PROS1: variants seen among roughly 807,000 people sequenced by gnomAD.
PROS1 encodes the protein vitamin K-dependent protein S.
Under a neutral mutation model 75.9 loss-of-function variants are expected in PROS1, and 29 were observed. The ratio of observed to expected loss-of-function variants is 0.38; its 90% CI spans 0.28 to 0.52. The LOEUF (loss-of-function observed/expected upper bound fraction) is 0.52, where lower values mean the gene tolerates loss of function less well. PROS1 is among the 20% of genes least tolerant of loss of function. The probability of loss-of-function intolerance (pLI) is 0.83; values close to 1 mark genes in which losing one functional copy is unlikely to be tolerated. For synonymous variants in PROS1, 245 were observed against 280.6 expected, an observed-to-expected ratio of 0.87 and a Z score of 1.27; for missense variants, 680 against 810.3, an observed-to-expected ratio of 0.84 and a Z score of 1.95.
At chr3:93,947,369 T>G (rs1709421415) in intron 1 of PROS1, among the ~76,000 whole-genome samples, 1 of 152,002 alleles carries the variant, frequency 6.6e-6, no homozygotes, top group African/African-American at 2.4e-5. Context: ...TCTCTCCCTC[T>G]TCTGTTTGCA....
intron 1 of PROS1, among the ~76,000 whole-genome samples, chr3:93,961,046 C>T (rs567900457): frequency 6.6e-6 from 1 of 151,624 alleles, no homozygotes; most frequent in East Asian, 1.9e-4. Context: ...CCCTGCAAAG[C>T]TTTATGATAG....
intron 10 of PROS1, among the ~76,000 whole-genome samples, chr3:93,888,269 C>T (rs1708380951): frequency 6.6e-6 from 1 of 152,150 alleles, no homozygotes; most frequent in Non-Finnish European, 1.5e-5. Flanking sequence ...CTTAATGGTA[C>T]TTGAGTTGCT....
At chr3:93,877,544 T>C (rs1708210452) in intron 13 of PROS1, among the ~76,000 whole-genome samples, 1 of 152,028 alleles carries the variant, frequency 6.6e-6, no homozygotes, top group African/African-American at 2.4e-5. Flanking sequence ...AGGGAAGGAG[T>C]TGAATCACTC....
At chr3:93,934,182 T>TAA (rs996626567) in intron 1 of PROS1, among the ~76,000 whole-genome samples, 1 of 141,590 alleles carries the variant, frequency 7.1e-6, no homozygotes, top group Non-Finnish European at 1.5e-5. Flanking sequence ...GCCATCACAT[T>TAA]AAAAAAAAAA....
intron 1 of PROS1, among the ~76,000 whole-genome samples, chr3:93,969,322 T>C (rs1041984156): frequency 6.6e-6 from 1 of 152,114 alleles, no homozygotes; most frequent in African/African-American, 2.4e-5. Flanking sequence ...GCAGTAGTTA[T>C]TTGCATTATA....
intron 4 of PROS1, among the ~76,000 whole-genome samples, chr3:93,909,596 T>C (rs1335291674): frequency 2.0e-5 from 3 of 152,172 alleles, no homozygotes; most frequent in Non-Finnish European, 4.4e-5. Flanking sequence ...AATAGTCCCT[T>C]GATTTCTGCA....
intron 1 of PROS1, among the ~76,000 whole-genome samples, chr3:93,938,646 C>T (rs1049289898): frequency 1.3e-4 from 20 of 152,200 alleles, no homozygotes; most frequent in African/African-American, 4.3e-4. Context: ...CTCCCTCTCT[C>T]GCTATCCTTC....
rs1231729762 is a variant in PROS1, at chr3:93,972,150, G to A, written c.76+1524C>T. ...CCTAGCAAATTTCTATGATGACAAGGAGTTAAGTGTGGCAAGCTACTTTGC... is the reference window on the plus strand; with the variant it reads ...CCTAGCAAATTTCTATGATGACAAGAAGTTAAGTGTGGCAAGCTACTTTGC... On this transcript the variant is annotated intron_variant, in intron 1 of 14. Coordinates refer to ENST00000394236, the MANE Select transcript of PROS1 (RefSeq NM_000313.4). 2.0e-5 allele frequency among the ~76,000 whole-genome samples: 3 copies of A among 152,262 alleles called. No homozygotes were observed. In the East Asian group the frequency reaches 5.8e-4, roughly 29 times the overall value.
intron 1 of PROS1, among the ~76,000 whole-genome samples, chr3:93,973,277 G>C (rs1420687153): frequency 6.6e-6 from 1 of 152,162 alleles, no homozygotes; most frequent in East Asian, 1.9e-4. Flanking sequence ...GGTGCAGGTT[G>C]GGGGCAGGCG....
intron 10 of PROS1, among the ~76,000 whole-genome samples, chr3:93,891,482 C>T (rs1708429942): frequency 6.6e-6 from 1 of 152,144 alleles, no homozygotes; most frequent in South Asian, 2.1e-4. Flanking sequence ...GGCTGGAGTG[C>T]AGTGGCGTGA....
At chr3:93,970,932 A>T (rs1709870330) in intron 1 of PROS1, among the ~76,000 whole-genome samples, 1 of 152,128 alleles carries the variant, frequency 6.6e-6, no homozygotes, top group South Asian at 2.1e-4. Flanking sequence ...CAGGAGTTCA[A>T]AGCTGTAGTG....
intron 12 of PROS1, among the ~76,000 whole-genome samples, chr3:93,882,365 C>T (rs1482961167): frequency 2.6e-5 from 4 of 152,130 alleles, no homozygotes; most frequent in Non-Finnish European, 5.9e-5. Flanking sequence ...AACCTAGGGT[C>T]AGTATGGCAA....
intron 1 of PROS1, among the ~76,000 whole-genome samples, chr3:93,953,552 A>G (rs1189059632): frequency 6.6e-6 from 1 of 152,206 alleles, no homozygotes; most frequent in Non-Finnish European, 1.5e-5. Context: ...AACTCTCAAT[A>G]AACTAGGTAT....
chr3:93,914,105 G>T (rs774320308), intron 3 of PROS1, among the ~76,000 whole-genome samples: 2 of 152,178 alleles, frequency 1.3e-5, no homozygotes, highest in African/African-American at 4.8e-5. Context: ...GCCATGCTGC[G>T]GCTCTCACAG....
intron 1 of PROS1, among the ~76,000 whole-genome samples, chr3:93,928,432 A>G (rs1041637605): frequency 2.0e-5 from 3 of 151,200 alleles, no homozygotes; most frequent in African/African-American, 7.3e-5. Context: ...TATTTGGGAA[A>G]CTGAGACACG....
At chr3:93,876,022 G>A in intron 14 of PROS1, among the ~76,000 whole-genome samples, 1 of 152,048 alleles carries the variant, frequency 6.6e-6, no homozygotes, top group East Asian at 1.9e-4. Flanking sequence ...CCATGCAACT[G>A]CTCATGCCAG....
intron 9 of PROS1, among the ~76,000 whole-genome samples, chr3:93,895,226 G>A (rs8178663): frequency 0.048 from 7,299 of 152,064 alleles, 237 homozygotes; most frequent in Non-Finnish European, 0.072. Context: ...TTATCTACCC[G>A]AGGTTGGTTA....
At chr3:93,928,011 A>ATATATATTTTTT (rs1235149837) in intron 1 of PROS1, among the ~76,000 whole-genome samples, 1 of 44,468 alleles carries the variant, frequency 2.2e-5, no homozygotes, top group Non-Finnish European at 3.9e-5. Context: ...ATATATATAT[A>ATATATATTTTTT]TTTTTTTTTT....
At chr3:93,875,676 A>G (rs1411178224) in intron 14 of PROS1, among the ~76,000 whole-genome samples, 3 of 129,522 alleles carry the variant, frequency 2.3e-5, no homozygotes, top group Non-Finnish European at 5.1e-5. Context: ...CTATCTATCT[A>G]TCATCTATCT....
Sources: allele counts gnomAD v4.1 joint callset (sites outside exome capture counted in the v4.1 genomes callset), GRCh38; gene constraint gnomAD v4.1.1; transcripts MANE v1.5; gene names NCBI Gene and HGNC (gene_info 2026-07-23, HGNC 2026-07-21).